The following LNPEP variants were observed in gnomAD, a reference collection of about 807,000 sequenced individuals.
LNPEP encodes leucyl and cystinyl aminopeptidase.
LNPEP carries 64 observed loss-of-function variants against 120.6 expected under a neutral mutation model. The ratio of observed to expected loss-of-function variants is 0.53; its 90% CI spans 0.43 to 0.65. The LOEUF (loss-of-function observed/expected upper bound fraction) is 0.65, where lower values mean the gene tolerates loss of function less well. LNPEP is among the 30% of genes least tolerant of loss of function. The pLI is 0.00. For synonymous variants in LNPEP, 435 were observed against 425.4 expected (o/e 1.02, Z -0.28); for missense variants, 1,057 against 1,200.0 (o/e 0.88, Z 1.76).
intron 1 of LNPEP, among the ~76,000 whole-genome samples, chr5:96,969,653 C>T (rs776946811): frequency 2.6e-5 from 4 of 151,832 alleles, no homozygotes; most frequent in Non-Finnish European, 5.9e-5. Flanking sequence ...GAGTTAGAGC[C>T]GTCCACACTA....
At chr5:97,013,608 G>T in intron 11 of LNPEP, 40 bp from the exon 12 acceptor site, 1 of 1,193,164 alleles carries the variant, frequency 8.4e-7, no homozygotes, top group Non-Finnish European at 1.1e-6. Flanking sequence ...TTGTCCAATT[G>T]TCTTCTCTCT....
chr5:96,985,229 G>GT lies in LNPEP; in HGVS notation c.999+13dup, dbSNP rs1036575702. ...TCAAATATGCCTAAGGTACTGTTCTGTTCCTTGAATGTAAAAATCTTTGAA... is the reference window on the plus strand; with the variant it reads ...TCAAATATGCCTAAGGTACTGTTCTGTTTCCTTGAATGTAAAAATCTTTGAA... On this transcript the variant is annotated intron_variant, in intron 3 of 17. Coordinates refer to ENST00000231368, the MANE Select transcript of LNPEP (RefSeq NM_005575.3). The GT allele has an allele frequency of 3.8e-6, 6 of 1,584,248 alleles. No individual in the cohort carries two copies. Among genetic ancestry groups the GT allele is most frequent in the Non-Finnish European group, 5.1e-6 (6 of 1,166,114 alleles).
At chr5:96,978,521 C>G (rs1211596301) in intron 1 of LNPEP, among the ~76,000 whole-genome samples, 1 of 152,214 alleles carries the variant, frequency 6.6e-6, no homozygotes, top group African/African-American at 2.4e-5. Context: ...AAACATTCCT[C>G]TTTCAGGGGA....
intron 1 of LNPEP, among the ~76,000 whole-genome samples, chr5:96,961,217 A>T (rs1789597765): frequency 6.6e-6 from 1 of 152,214 alleles, no homozygotes; most frequent in South Asian, 2.1e-4. Flanking sequence ...GCAAAAACAA[A>T]TGACTTTCTG....
At chr5:96,952,564 G>C (rs1024293660) in intron 1 of LNPEP, among the ~76,000 whole-genome samples, 1 of 152,092 alleles carries the variant, frequency 6.6e-6, no homozygotes, top group East Asian at 1.9e-4. Context: ...TCACAGGAGG[G>C]GAATGTTCTG....
chr5:96,975,127 T>C (rs1203731827), intron 1 of LNPEP, among the ~76,000 whole-genome samples: 1 of 152,166 alleles, frequency 6.6e-6, no homozygotes. Context: ...AAATTGAGGC[T>C]AAGAAAGGTA....
chr5:96,941,340 G>A (rs1789047538), intron 1 of LNPEP, among the ~76,000 whole-genome samples: 1 of 152,180 alleles, frequency 6.6e-6, no homozygotes, highest in African/African-American at 2.4e-5. Context: ...TTCCTAACAG[G>A]CCAGAGACTG....
chr5:96,941,394 G>T (rs1789053282), intron 1 of LNPEP, among the ~76,000 whole-genome samples: 1 of 152,180 alleles, frequency 6.6e-6, no homozygotes, highest in Non-Finnish European at 1.5e-5. Context: ...TACTGTAGGG[G>T]GCTGGAGTTG....
chr5:97,031,701 G>C lies in LNPEP; in HGVS notation c.*3168G>C, dbSNP rs762244645. On this transcript the variant is annotated 3_prime_UTR_variant, in exon 18 of 18. Coordinates refer to ENST00000231368, the MANE Select transcript of LNPEP (RefSeq NM_005575.3). ...AGGCCAGGAGTTCTAAACCAGTTTG[G>C]CCGACATGGCAAAACCCCATCTCTA... 6.6e-6 allele frequency: 1 copy of C among 152,182 alleles called. No homozygotes were observed. Among genetic ancestry groups the C allele is most frequent in the Non-Finnish European group, 1.5e-5 (1 of 68,092 alleles). 9.4% of individuals were successfully genotyped at this position (152,182 alleles called of 1,614,324 possible).
At chr5:96,998,552 T>G (rs1055764012) in intron 8 of LNPEP, among the ~76,000 whole-genome samples, 6 of 152,190 alleles carry the variant, frequency 3.9e-5, no homozygotes, top group African/African-American at 1.2e-4. Flanking sequence ...AATTGAAGAT[T>G]CGATTTTAGA....
At chr5:96,991,221 G>A (rs1468718822) in intron 4 of LNPEP, among the ~76,000 whole-genome samples, 1 of 152,154 alleles carries the variant, frequency 6.6e-6, no homozygotes, top group Non-Finnish European at 1.5e-5. Flanking sequence ...TTCCATCCAG[G>A]TTGCTGCGAT....
In LNPEP at chr5:97,025,076, C is replaced by G. The variant is rs142853270; in HGVS notation, c.2723+394C>G. Among the ~76,000 whole-genome samples, 14 of 152,240 alleles carry G rather than the reference C, an allele frequency of 9.2e-5. No homozygotes were observed. The East Asian group carries it at 2.7e-3, about 29-fold the overall frequency. On this transcript the variant is annotated intron_variant, in intron 15 of 17. Transcript: ENST00000231368. ...AATCACATATTAAACCTTCTAGGTT[C>G]TACGTTCATATGAATTTATTTGTCA...
At chr5:96,967,644 G>A (rs1228427213) in intron 1 of LNPEP, among the ~76,000 whole-genome samples, 5 of 152,084 alleles carry the variant, frequency 3.3e-5, no homozygotes, top group African/African-American at 1.2e-4. Context: ...CAGCCCCACA[G>A]CAGGTATTAG....
At chr5:96,982,798 C>A in intron 2 of LNPEP, among the ~76,000 whole-genome samples, 1 of 151,938 alleles carries the variant, frequency 6.6e-6, no homozygotes. Context: ...AAAGCAAAAA[C>A]AAAAGAATAC....
chr5:96,989,338 AATATATAATATATT>A lies in LNPEP; in HGVS notation c.1131+2675_1131+2688del, dbSNP rs1561443083. ...TTATATATAATATATAATTATATAT[AATATATAATATATT>A]ATATATTATATATAATTATATATTA... On this transcript the variant is annotated intron_variant, in intron 4 of 17. Transcript: ENST00000231368. 3.3e-4 allele frequency among the ~76,000 whole-genome samples: 8 copies of A among 24,574 alleles called. No individual in the cohort carries two copies. The Admixed American group carries it at 4.2e-3, about 13-fold the overall frequency. The allele number at this position is 24,574 out of a possible 152,430, so 16.1% of individuals were successfully genotyped here. A position where few individuals can be genotyped will look rare whatever the true frequency, so the allele number is the denominator to read the frequency against.
At chr5:96,982,899 A>T (rs1790157877) in intron 2 of LNPEP, among the ~76,000 whole-genome samples, 1 of 151,924 alleles carries the variant, frequency 6.6e-6, no homozygotes, top group Non-Finnish European at 1.5e-5. Context: ...CATATGATAT[A>T]CAAGTAGTTT....
At chr5:96,952,924 C>T (rs753117588) in intron 1 of LNPEP, among the ~76,000 whole-genome samples, 3 of 152,094 alleles carry the variant, frequency 2.0e-5, no homozygotes, top group Admixed American at 6.5e-5. Flanking sequence ...TTTTCTTGAT[C>T]TCTGGACCCA....
At chr5:96,963,827 G>A (rs977684688) in intron 1 of LNPEP, among the ~76,000 whole-genome samples, 7 of 152,014 alleles carry the variant, frequency 4.6e-5, no homozygotes, top group Admixed American at 3.9e-4. Context: ...ATACATATCT[G>A]TGCTATATAA....
Position 97,035,761 on chromosome 5 carries a change from A to T in LNPEP, c.*7228A>T, listed in dbSNP as rs186993786. 1.3e-5 allele frequency: 2 copies of T among 152,190 alleles called. No individual in the cohort carries two copies. The highest frequency in any genetic ancestry group is 4.8e-5 in the African/African-American group (2 of 41,462). 9.4% of individuals were successfully genotyped at this position (152,190 alleles called of 1,614,324 possible). A position where few individuals can be genotyped will look rare whatever the true frequency, so the allele number is the denominator to read the frequency against. ...AATAAAGACCTACTAAATCCCTGCC[A>T]TCTGGCTGGAAGGTGTAGCAGTGTA... On this transcript the variant is annotated 3_prime_UTR_variant, in exon 18 of 18. Transcript: ENST00000231368.
Sources: allele counts gnomAD v4.1 joint callset (sites outside exome capture counted in the v4.1 genomes callset), GRCh38; gene constraint gnomAD v4.1.1; transcripts MANE v1.5; gene names NCBI Gene and HGNC (gene_info 2026-07-23, HGNC 2026-07-21).